The following AGBL4 variants were observed in gnomAD, a reference collection of about 807,000 sequenced individuals.
AGBL4 encodes the protein AGBL carboxypeptidase 4.
A neutral mutation model predicts 66.4 loss-of-function variants in AGBL4; 58 were observed. The ratio of observed to expected loss-of-function variants is 0.87; its 90% CI spans 0.71 to 1.09. AGBL4 has a LOEUF of 1.09. AGBL4 is among the 50% of genes least tolerant of loss of function. AGBL4 has a pLI of 0.00. For missense variants in AGBL4, 579 were observed against 631.0 expected, an observed-to-expected ratio of 0.92 and a Z score of 0.88; for synonymous variants, 234 against 222.9, an observed-to-expected ratio of 1.05 and a Z score of -0.44.
At chr1:49,946,545 G>C (rs1000849616) in intron 1 of AGBL4, among the ~76,000 whole-genome samples, 14 of 151,954 alleles carry the variant, frequency 9.2e-5, no homozygotes, top group Admixed American at 7.2e-4. Context: ...AAACCTCTGG[G>C]ATACAGCAAA....
chr1:49,203,046 C>T (rs1349304186), intron 4 of AGBL4, among the ~76,000 whole-genome samples: 2 of 146,420 alleles, frequency 1.4e-5, no homozygotes, highest in Non-Finnish European at 3.0e-5. Context: ...AAATCAAAAT[C>T]ACAATGAGAC....
chr1:48,867,366 C>G, intron 5 of AGBL4, 136 bp from the exon 6 acceptor site: 1 of 883,262 alleles, frequency 1.1e-6, no homozygotes, highest in Non-Finnish European at 1.8e-6. Context: ...GTACTCACTT[C>G]CAATTCTGCA....
intron 6 of AGBL4, among the ~76,000 whole-genome samples, chr1:48,846,326 C>T (rs12133003): frequency 6.1e-5 from 7 of 114,736 alleles, no homozygotes; most frequent in Admixed American, 2.1e-4. Context: ...ATAGATAGAT[C>T]GATAGATAAG....
At chr1:48,657,154 T>C (rs544547063) in intron 7 of AGBL4, among the ~76,000 whole-genome samples, 4 of 152,202 alleles carry the variant, frequency 2.6e-5, no homozygotes, top group Non-Finnish European at 2.9e-5. Flanking sequence ...ATTTGCTGTG[T>C]GGCCTTAACC....
intron 5 of AGBL4, among the ~76,000 whole-genome samples, chr1:49,033,401 T>A (rs1456247222): frequency 6.6e-6 from 1 of 152,158 alleles, no homozygotes; most frequent in African/African-American, 2.4e-5. Context: ...TTACTTTTCA[T>A]ATGTTTGCTT....
intron 4 of AGBL4, among the ~76,000 whole-genome samples, chr1:49,195,011 A>AT (rs200244621): frequency 1.6e-3 from 240 of 150,908 alleles, no homozygotes; most frequent in African/African-American, 5.5e-3. Context: ...TAATTGTTTA[A>AT]TTTTTTTTTC....
chr1:49,134,841 A>G (rs1319145415), intron 4 of AGBL4, among the ~76,000 whole-genome samples: 1 of 152,126 alleles, frequency 6.6e-6, no homozygotes, highest in African/African-American at 2.4e-5. Context: ...AGAAATTATA[A>G]GAGTATTGAT....
chr1:49,869,735 T>C (rs1352515630), intron 1 of AGBL4, among the ~76,000 whole-genome samples: 2 of 152,204 alleles, frequency 1.3e-5, no homozygotes, highest in East Asian at 3.9e-4. Context: ...CATCTTCACA[T>C]GTATCTTGGA....
chr1:48,918,205 G>A (rs1301675286), intron 5 of AGBL4, among the ~76,000 whole-genome samples: 2 of 152,182 alleles, frequency 1.3e-5, no homozygotes, highest in East Asian at 1.9e-4. Flanking sequence ...CAGGGGTGGG[G>A]GCCTCATTAT....
intron 5 of AGBL4, among the ~76,000 whole-genome samples, chr1:48,982,359 C>A (rs1413679868): frequency 2.0e-5 from 3 of 152,122 alleles, no homozygotes; most frequent in African/African-American, 7.2e-5. Flanking sequence ...CCCCACCCCA[C>A]AACAGGCCCC....
At chr1:49,986,293 T>C (rs1659500119) in intron 1 of AGBL4, among the ~76,000 whole-genome samples, 2 of 152,086 alleles carry the variant, frequency 1.3e-5, no homozygotes, top group African/African-American at 4.8e-5. Flanking sequence ...AGTTTTTTAC[T>C]GTTCCTGGGC....
chr1:49,236,925 TC>T (rs1436501759), intron 4 of AGBL4, among the ~76,000 whole-genome samples: 1 of 151,990 alleles, frequency 6.6e-6, no homozygotes, highest in Non-Finnish European at 1.5e-5. Flanking sequence ...GGTGAGACTT[TC>T]CTGCACTGTT....
chr1:49,142,351 C>G (rs1000633390), intron 4 of AGBL4, among the ~76,000 whole-genome samples: 6 of 152,076 alleles, frequency 3.9e-5, no homozygotes, highest in African/African-American at 1.4e-4. Context: ...AAAAAAAACT[C>G]AACATATAGA....
intron 3 of AGBL4, among the ~76,000 whole-genome samples, chr1:49,450,074 G>C (rs916229607): frequency 6.6e-6 from 1 of 152,012 alleles, no homozygotes; most frequent in Non-Finnish European, 1.5e-5. Context: ...TCATCTTCCA[G>C]TAATGCCTTT....
chr1:49,267,849 T>C (rs1307736249), intron 3 of AGBL4, among the ~76,000 whole-genome samples: 1 of 151,984 alleles, frequency 6.6e-6, no homozygotes, highest in Non-Finnish European at 1.5e-5. Context: ...GGGAAATCTC[T>C]TATAAAAACC....
intron 3 of AGBL4, among the ~76,000 whole-genome samples, chr1:49,651,144 G>C (rs577074835): frequency 2.6e-5 from 4 of 152,198 alleles, no homozygotes. Context: ...AAGAATCTCA[G>C]TTGCACTGTG....
intron 3 of AGBL4, among the ~76,000 whole-genome samples, chr1:49,321,590 G>C (rs865973013): frequency 6.6e-6 from 1 of 152,166 alleles, no homozygotes; most frequent in African/African-American, 2.4e-5. Context: ...ATGTCTTAGA[G>C]AAATGCTCAC....
intron 6 of AGBL4, among the ~76,000 whole-genome samples, chr1:48,714,661 G>A (rs533670619): frequency 3.9e-5 from 6 of 152,220 alleles, no homozygotes; most frequent in African/African-American, 7.2e-5. Flanking sequence ...TGACCATGCC[G>A]CTTCCTGGCT....
rs537041527 is a variant in AGBL4 at position 48,736,561 on chromosome 1, A to G, written c.635-73320T>C. The G allele has an allele frequency of 2.7e-5, 26 of 950,386 alleles. No homozygotes were observed. The African/African-American group carries it at 4.3e-4, about 16-fold the overall frequency. 58.9% of individuals were successfully genotyped at this position (950,386 alleles called of 1,614,324 possible). On this transcript the variant is annotated intron_variant, in intron 6 of 13. Transcript: ENST00000371839. This position sits in a 1 kb window ranked among gnomAD's most constrained non-coding sequence, Gnocchi z 4.0. ...TGCACAACTGTAAGAGATTCATGTC[A>G]TAAATATGAAATTAACTCTCTTTAA...
Sources: gnomAD v4.1 joint callset for allele counts (sites outside exome capture counted in the v4.1 genomes callset) on GRCh38, gnomAD v4.1.1 for gene constraint, Gnocchi (gnomAD v3.1) non-coding constraint, MANE v1.5 for transcripts, NCBI Gene and HGNC (gene_info 2026-07-23, HGNC 2026-07-21) for gene names.